The following ZNF670 variants were observed in gnomAD, a reference collection of about 807,000 sequenced individuals.
The protein encoded by ZNF670 is zinc finger protein 670.
In ZNF670, 7 loss-of-function variants were observed where a neutral mutation model predicts 10.9. The observed-to-expected ratio is 0.64, with a 90% CI of 0.36 to 1.20. ZNF670 has a LOEUF of 1.20. ZNF670 is among the 50% of genes most tolerant of loss of function. The pLI, the probability that ZNF670 is intolerant of heterozygous loss-of-function variation, is 0.02. For synonymous variants in ZNF670, 136 were observed against 152.7 expected, an observed-to-expected ratio of 0.89 and a Z score of 0.81; for missense variants, 446 against 458.6, an observed-to-expected ratio of 0.97 and a Z score of 0.25.
At chr1:247,073,931 T>C (rs1671194549) in intron 1 of ZNF670, among the ~76,000 whole-genome samples, 1 of 152,186 alleles carries the variant, frequency 6.6e-6, no homozygotes, top group Non-Finnish European at 1.5e-5. Flanking sequence ...ACCAGTGTAT[T>C]ATACAAGATG....
chr1:247,074,891 T>C (rs1237478884), intron 1 of ZNF670, among the ~76,000 whole-genome samples: 2 of 152,152 alleles, frequency 1.3e-5, no homozygotes, highest in Non-Finnish European at 2.9e-5. Context: ...CCCTGCTTTA[T>C]TGAATAATGT....
intron 1 of ZNF670, among the ~76,000 whole-genome samples, chr1:247,049,199 G>T (rs1195755190): frequency 6.7e-6 from 1 of 149,938 alleles, no homozygotes; most frequent in Non-Finnish European, 1.5e-5. Context: ...GCCGGGTTAA[G>T]TGATTCCCCT....
intron 1 of ZNF670, among the ~76,000 whole-genome samples, chr1:247,068,135 T>A (rs147023176): frequency 0.022 from 3,336 of 150,064 alleles, 311 homozygotes; most frequent in African/African-American, 0.078. Flanking sequence ...CTGGCCAACA[T>A]GGTGAAACCC....
chr1:247,043,239 G>A lies in ZNF670; in HGVS notation c.4-3702C>T, dbSNP rs888908167. On this transcript the variant is annotated intron_variant, in intron 1 of 3. Transcript: ENST00000366503. The stretch of plus-strand genomic sequence containing the variant: ...TAACACAGCACTGAAGGAGGACTTT[G>A]GATTTAAGCATTGTCTCTGGGTATA... 1.0e-5 allele frequency: 7 copies of A among 684,800 alleles called. No individual in the cohort carries two copies. The African/African-American group carries it at 1.2e-4, about 12-fold the overall frequency. 42.4% of individuals were successfully genotyped at this position (684,800 alleles called of 1,614,324 possible).
intron 1 of ZNF670, among the ~76,000 whole-genome samples, chr1:247,076,188 T>C (rs1671246417): frequency 6.6e-6 from 1 of 152,058 alleles, no homozygotes; most frequent in Admixed American, 6.5e-5. Context: ...CACAGGCCCA[T>C]TCTCCTCACA....
chr1:247,078,735 C>T lies in ZNF670; in HGVS notation c.-139G>A. The stretch of plus-strand genomic sequence containing the variant: ...AGCAGCGGAGACGCACCGAGCTCGC[C>T]ACATTCGCGCTGCCCAACACAAAAG... On this transcript the variant is annotated 5_prime_UTR_variant, in exon 1 of 4. The change creates a premature stop within an existing upstream ORF in the 5' untranslated region. Transcript: ENST00000366503. 2.2e-6 allele frequency: 2 copies of T among 892,704 alleles called. No individual in the cohort carries two copies. Among genetic ancestry groups the T allele is most frequent in the Non-Finnish European group, 3.4e-6 (2 of 582,500 alleles). The allele number at this position is 892,704 out of a possible 1,614,324, so 55.3% of individuals were successfully genotyped here.
chr1:247,047,970 A>C (rs1328679521), intron 1 of ZNF670, among the ~76,000 whole-genome samples: 2 of 152,160 alleles, frequency 1.3e-5, no homozygotes, highest in East Asian at 3.9e-4. Flanking sequence ...TGTCCTAAAG[A>C]CATTTTCCCC....
At position 247,065,878 on chromosome 1, in the gene ZNF670, C is replaced by A. The variant is rs147421430; in HGVS notation, c.3+12716G>T. ...CATTTTCTAGCAAATGTGAATTTAT[C>A]TGTAACTTAAAAACCCAGCACTTTT... On this transcript the variant is annotated intron_variant, in intron 1 of 3. Coordinates refer to ENST00000366503, the MANE Select transcript of ZNF670 (RefSeq NM_033213.5). 8.8e-4 allele frequency among the ~76,000 whole-genome samples: 134 copies of A among 152,292 alleles called. 1 individual carries two copies. The highest frequency in any genetic ancestry group is 3.2e-3 in the African/African-American group (131 of 41,564).
At chr1:247,043,062 C>A (rs1007867896) in intron 1 of ZNF670, 3 of 1,114,858 alleles carry the variant, frequency 2.7e-6, no homozygotes, top group African/African-American at 2.9e-5. Flanking sequence ...CCAATCAACA[C>A]AATACAGTGA....
rs748679322 is a variant in ZNF670 at position 247,038,412 on chromosome 1, C to T, written c.207G>A (p.Glu69=). The stretch of plus-strand genomic sequence containing the variant: ...TGCCTTCTTTAATTTCAAACAGTCT[C>T]TCTACCACATGACTGCTGTAAAAAT... ...PGRNLSSHVV[E]RLFEIKEGSQ... Residue 69 remains glutamate, a synonymous_variant, in exon 4 of 4, where the codon GAG becomes GAA. Transcript: ENST00000366503. The T allele has an allele frequency of 1.9e-6, 3 of 1,608,124 alleles. No individual in the cohort carries two copies. The highest frequency in any genetic ancestry group is 2.5e-6 in the Non-Finnish European group (3 of 1,177,666).
chr1:247,055,946 T>C (rs1471546836), intron 1 of ZNF670, among the ~76,000 whole-genome samples: 1 of 152,166 alleles, frequency 6.6e-6, no homozygotes, highest in Non-Finnish European at 1.5e-5. Context: ...TATGTGCTGA[T>C]ATCCAATTCA....
Position 247,037,458 on chromosome 1 carries a change from A to G in ZNF670, c.1161T>C (p.Tyr387=). 6.2e-7 allele frequency: 1 copy of G among 1,606,910 alleles called. No individual in the cohort carries two copies. The highest frequency in any genetic ancestry group is 1.1e-5 in the South Asian group (1 of 89,706). Residue 387 remains tyrosine, a synonymous_variant, in exon 4 of 4, where the codon TAT becomes TAC. Coordinates refer to ENST00000366503, the MANE Select transcript of ZNF670 (RefSeq NM_033213.5). Reference sequence around the variant, plus strand: ...TTGTTGTTGTTGTTTTTTACCACATATAAGCTCTTTCATGCTTTCGAAGGG... The same window carrying G: ...TTGTTGTTGTTGTTTTTTACCACATGTAAGCTCTTTCATGCTTTCGAAGGG... ...SSSLRKHERA[Y]MW
intron 1 of ZNF670, among the ~76,000 whole-genome samples, chr1:247,056,325 T>C (rs1443356726): frequency 6.6e-6 from 1 of 152,110 alleles, no homozygotes; most frequent in Non-Finnish European, 1.5e-5. Flanking sequence ...TGAAATAGTA[T>C]CAAGCATCTT....
At chr1:247,059,302 C>T (rs1457341183) in intron 1 of ZNF670, among the ~76,000 whole-genome samples, 11 of 151,692 alleles carry the variant, frequency 7.3e-5, no homozygotes, top group African/African-American at 1.7e-4. Flanking sequence ...AAAAATTAGC[C>T]GGGCGTGGTG....
intron 1 of ZNF670, chr1:247,042,652 T>A (rs1670342726): frequency 3.8e-6 from 1 of 264,496 alleles, no homozygotes; most frequent in Non-Finnish European, 7.3e-6. Flanking sequence ...ACGTCAGAAG[T>A]AGAAGAAAGT....
chr1:247,077,403 A>C (rs1291717040), intron 1 of ZNF670, among the ~76,000 whole-genome samples: 2 of 152,210 alleles, frequency 1.3e-5, no homozygotes, highest in Non-Finnish European at 1.5e-5. Context: ...GGCTGAGGAC[A>C]TATCACCCTC....
chr1:247,037,720 T>C lies in ZNF670; in HGVS notation c.899A>G (p.Glu300Gly). 2 of 1,613,984 alleles carry C rather than the reference T, an allele frequency of 1.2e-6. No individual in the cohort carries two copies. The highest frequency in any genetic ancestry group is 1.7e-6 in the Non-Finnish European group (2 of 1,179,916). Residue 300 changes from glutamate to glycine, a missense_variant, in exon 4 of 4, where the codon GAA becomes GGA. Coordinates refer to ENST00000366503, the MANE Select transcript of ZNF670 (RefSeq NM_033213.5). ...FRCSRVLRVH[E>G]RTHSGEKPYE... ...GGGCTTTTCTCCACTGTGAGTCCTT[T>C]CATGGACTCTGAGGACTCTGGAACA...
At chr1:247,040,858 G>T (rs1670288592) in intron 1 of ZNF670, among the ~76,000 whole-genome samples, 1 of 152,012 alleles carries the variant, frequency 6.6e-6, no homozygotes, top group African/African-American at 2.4e-5. Context: ...ACCACGCCCA[G>T]CTGATTTTGT....
At chr1:247,070,957 G>C (rs1449302852) in intron 1 of ZNF670, among the ~76,000 whole-genome samples, 1 of 152,168 alleles carries the variant, frequency 6.6e-6, no homozygotes, top group Non-Finnish European at 1.5e-5. Flanking sequence ...TTACAAAAAA[G>C]TCAGAAAATA....
Sources: allele counts gnomAD v4.1 joint callset (sites outside exome capture counted in the v4.1 genomes callset), GRCh38; gene constraint gnomAD v4.1.1; transcripts MANE v1.5; gene names NCBI Gene and HGNC (gene_info 2026-07-23, HGNC 2026-07-21).